Variants in ZNF892 observed in about 807,000 individuals in gnomAD.
ZNF892 encodes zinc finger protein 570-like.
chr2:95,208,291 A>G, the ZNF892 span, among the ~76,000 whole-genome samples: 9 of 152,200 alleles, frequency 5.9e-5, no homozygotes. Flanking sequence ...TCAGTGTTCA[A>G]AAAGAATTTA....
the ZNF892 span, among the ~76,000 whole-genome samples, chr2:95,223,396 T>C: frequency 6.6e-6 from 1 of 152,136 alleles, no homozygotes; most frequent in South Asian, 2.1e-4. Flanking sequence ...TGGGGTTTTT[T>C]TGGGGGGGAG....
the ZNF892 span, among the ~76,000 whole-genome samples, chr2:95,248,450 T>C: frequency 6.6e-6 from 1 of 152,270 alleles, no homozygotes; most frequent in East Asian, 1.9e-4. Flanking sequence ...TCATGGAACA[T>C]ACCCAGGTAA....
At chr2:95,229,706 AG>A in the ZNF892 span, among the ~76,000 whole-genome samples, 3 of 152,162 alleles carry the variant, frequency 2.0e-5, no homozygotes, top group Non-Finnish European at 2.9e-5. Flanking sequence ...TACTGTTGAT[AG>A]ATAATTGAAT....
chr2:95,212,404 C>T, the ZNF892 span: 1 of 396,508 alleles, frequency 2.5e-6, no homozygotes, highest in Non-Finnish European at 4.4e-6. Context: ...CACCCCTATG[C>T]CACATCCTAG....
chr2:95,230,417 G>T, the ZNF892 span, among the ~76,000 whole-genome samples: 1 of 152,030 alleles, frequency 6.6e-6, no homozygotes, highest in Non-Finnish European at 1.5e-5. Flanking sequence ...TACTAATGTT[G>T]ATCACTTTTT....
At chr2:95,226,604 A>G in the ZNF892 span, among the ~76,000 whole-genome samples, 1 of 152,168 alleles carries the variant, frequency 6.6e-6, no homozygotes, top group Non-Finnish European at 1.5e-5. Flanking sequence ...GTTTCTCTGA[A>G]GAAGAATTAA....
chr2:95,233,292 G>A, the ZNF892 span, among the ~76,000 whole-genome samples: 6 of 151,308 alleles, frequency 4.0e-5, no homozygotes, highest in Middle Eastern at 3.2e-3. Flanking sequence ...TTAGAACTCC[G>A]GGGCTCAAGC....
the ZNF892 span, among the ~76,000 whole-genome samples, chr2:95,254,000 T>C: frequency 3.3e-5 from 5 of 152,236 alleles, no homozygotes; most frequent in Non-Finnish European, 7.3e-5. Context: ...TGGGATTTTC[T>C]AGATATACAA....
the ZNF892 span, among the ~76,000 whole-genome samples, chr2:95,240,070 A>G: frequency 6.6e-6 from 1 of 152,208 alleles, no homozygotes; most frequent in East Asian, 1.9e-4. Context: ...CAAATCCTTT[A>G]AGATCTTCCA....
At chr2:95,260,768 A>G in the ZNF892 span, among the ~76,000 whole-genome samples, 2 of 152,132 alleles carry the variant, frequency 1.3e-5, no homozygotes, top group African/African-American at 4.8e-5. Context: ...CCTCATCTGC[A>G]AGAATGCTGC....
At chr2:95,239,152 A>C in the ZNF892 span, among the ~76,000 whole-genome samples, 1 of 151,256 alleles carries the variant, frequency 6.6e-6, no homozygotes, top group Non-Finnish European at 1.5e-5. Context: ...AGGAAAAAAA[A>C]AAAAAAAAAA....
At chr2:95,233,210 T>C in the ZNF892 span, among the ~76,000 whole-genome samples, 2 of 151,930 alleles carry the variant, frequency 1.3e-5, no homozygotes, top group East Asian at 1.9e-4. Context: ...TTTTCTTTTT[T>C]TTTTTTGGAG....
the ZNF892 span, among the ~76,000 whole-genome samples, chr2:95,235,713 A>G: frequency 6.6e-6 from 1 of 152,116 alleles, no homozygotes; most frequent in Non-Finnish European, 1.5e-5. Context: ...GTTTGTCCAT[A>G]TAGGATTTGT....
the ZNF892 span, among the ~76,000 whole-genome samples, chr2:95,226,558 G>C: frequency 1.5e-3 from 226 of 152,312 alleles, 6 homozygotes; most frequent in East Asian, 0.039. Flanking sequence ...ACTGGCCTTA[G>C]TATGTAGGGA....
chr2:95,212,587 G>T, the ZNF892 span, among the ~76,000 whole-genome samples: 7 of 152,190 alleles, frequency 4.6e-5, no homozygotes, highest in South Asian at 1.4e-3. Context: ...TTTTTTACAT[G>T]TGTTATTTTA....
At chr2:95,240,894 AGACTGTTTT>A in the ZNF892 span, among the ~76,000 whole-genome samples, 3 of 152,290 alleles carry the variant, frequency 2.0e-5, no homozygotes, top group East Asian at 5.8e-4. Context: ...GATCATGGCC[AGACTGTTTT>A]AAGCAGCACC....
At chr2:95,258,371 T>G in the ZNF892 span, among the ~76,000 whole-genome samples, 1 of 152,202 alleles carries the variant, frequency 6.6e-6, no homozygotes, top group Non-Finnish European at 1.5e-5. Flanking sequence ...CAATCTAAGC[T>G]GATCCTGATT....
the ZNF892 span, among the ~76,000 whole-genome samples, chr2:95,217,819 G>A: frequency 6.6e-6 from 1 of 152,152 alleles, no homozygotes; most frequent in Non-Finnish European, 1.5e-5. Context: ...CTAAGCCTCT[G>A]CAGGACAATT....
the ZNF892 span, among the ~76,000 whole-genome samples, chr2:95,241,402 A>T: frequency 6.6e-6 from 1 of 152,212 alleles, no homozygotes; most frequent in South Asian, 2.1e-4. Flanking sequence ...AGCCCTAAAG[A>T]ATACTGGCCT....
Sources: allele counts gnomAD v4.1 joint callset (sites outside exome capture counted in the v4.1 genomes callset), GRCh38; gene constraint gnomAD v4.1.1; transcripts MANE v1.5; gene names NCBI Gene and HGNC (gene_info 2026-07-23, HGNC 2026-07-21).